RERG: variants seen among roughly 807,000 people sequenced by gnomAD.
RERG encodes the protein RAS like estrogen regulated growth inhibitor.
RERG carries 25 observed loss-of-function variants against 23.2 expected under a neutral mutation model. That is an observed-to-expected ratio of 1.08 (90% CI 0.79 to 1.50). The LOEUF (loss-of-function observed/expected upper bound fraction) is 1.50. RERG is among the 40% of genes most tolerant of loss of function. RERG has a pLI of 0.00. For missense variants in RERG, 253 were observed against 250.1 expected, an observed-to-expected ratio of 1.01 and a Z score of -0.08; for synonymous variants, 81 against 89.1, an observed-to-expected ratio of 0.91 and a Z score of 0.51.
At chr12:15,142,706 G>A (rs1036140739) in intron 2 of RERG, among the ~76,000 whole-genome samples, 1 of 152,126 alleles carries the variant, frequency 6.6e-6, no homozygotes, top group East Asian at 1.9e-4. Flanking sequence ...AAGAGAGAGG[G>A]GGGGTAGGAG....
intron 2 of RERG, among the ~76,000 whole-genome samples, chr12:15,179,599 C>T (rs904399828): frequency 3.3e-5 from 5 of 152,108 alleles, no homozygotes; most frequent in Admixed American, 6.5e-5. Context: ...TTATATCTTT[C>T]CCCCAAAAAT....
chr12:15,212,361 G>C (rs1182494741), intron 2 of RERG, among the ~76,000 whole-genome samples: 1 of 151,760 alleles, frequency 6.6e-6, no homozygotes, highest in Non-Finnish European at 1.5e-5. Flanking sequence ...GCCCGGCCAC[G>C]AATAAACTTT....
At chr12:15,161,283 A>G (rs763165526) in intron 2 of RERG, among the ~76,000 whole-genome samples, 13 of 152,246 alleles carry the variant, frequency 8.5e-5, no homozygotes, top group Non-Finnish European at 1.8e-4. Flanking sequence ...GTAATAAAGT[A>G]GGCCACTGTG....
intron 2 of RERG, chr12:15,138,086 T>C: frequency 3.7e-6 from 1 of 273,224 alleles, no homozygotes; most frequent in South Asian, 3.8e-5. Context: ...AGATATTTCA[T>C]TTCACTCTTT....
At chr12:15,111,522 C>T in intron 3 of RERG, 105 bp from the exon 4 acceptor site, 1 of 844,456 alleles carries the variant, frequency 1.2e-6, no homozygotes, top group South Asian at 1.6e-5. Context: ...CCTGATTTTA[C>T]AGCATAAGGA....
At chr12:15,127,118 A>G (rs1222116358) in intron 2 of RERG, among the ~76,000 whole-genome samples, 1 of 152,070 alleles carries the variant, frequency 6.6e-6, no homozygotes, top group Non-Finnish European at 1.5e-5. Flanking sequence ...GTGACATGAA[A>G]TTGTCTTTTG....
intron 2 of RERG, among the ~76,000 whole-genome samples, chr12:15,139,532 A>G (rs34499877): frequency 0.27 from 41,437 of 151,942 alleles, 6,003 homozygotes; most frequent in African/African-American, 0.37. Context: ...GATCTGGTAC[A>G]TATTTTGTTA....
chr12:15,145,605 G>A (rs1864319145), intron 2 of RERG, among the ~76,000 whole-genome samples: 2 of 152,316 alleles, frequency 1.3e-5, no homozygotes, highest in Middle Eastern at 3.4e-3. Context: ...TCTGACAAGG[G>A]GATTTCAACA....
At chr12:15,166,503 G>GGATGGTGGTGATGGTGGT in intron 2 of RERG, among the ~76,000 whole-genome samples, 1 of 134,202 alleles carries the variant, frequency 7.5e-6, no homozygotes, top group African/African-American at 2.5e-5. Context: ...ATGATGATGG[G>GGATGGTGGTGATGGTGGT]GATGGTGGTG....
chr12:15,174,475 AGTGTGTGTGT>A (rs35380924), intron 2 of RERG, among the ~76,000 whole-genome samples: 2 of 147,898 alleles, frequency 1.4e-5, no homozygotes, highest in South Asian at 2.1e-4. Context: ...GAGTTTGTTG[AGTGTGTGTGT>A]GTGTGTGTGT....
At chr12:15,116,611 C>T (rs930897397) in intron 3 of RERG, among the ~76,000 whole-genome samples, 17 of 151,898 alleles carry the variant, frequency 1.1e-4, no homozygotes, top group Non-Finnish European at 2.2e-4. Flanking sequence ...GGGTTCATAC[C>T]ATTTTAAGCA....
At chr12:15,186,268 T>C (rs1864988791) in intron 2 of RERG, among the ~76,000 whole-genome samples, 1 of 151,862 alleles carries the variant, frequency 6.6e-6, no homozygotes, top group Non-Finnish European at 1.5e-5. Flanking sequence ...AGTAGCATGA[T>C]GACATCAGGA....
At position 15,127,648 on chromosome 12, in the gene RERG, A is replaced by G. The variant is rs150573084; in HGVS notation, c.62-6529T>C. Among the ~76,000 whole-genome samples, 1,074 of 152,324 alleles carry G rather than the reference A, an allele frequency of 7.1e-3. 5 individuals carry two copies. Among genetic ancestry groups the G allele is most frequent in the Non-Finnish European group, 0.011 (747 of 68,032 alleles). ...TGAGCATTATTCACAAAAATAGAGA[A>G]GACTCTACCCTAGATTTGTGGAGAT... On this transcript the variant is annotated intron_variant, in intron 2 of 4. Coordinates refer to ENST00000256953, the MANE Select transcript of RERG (RefSeq NM_032918.3).
intron 2 of RERG, among the ~76,000 whole-genome samples, chr12:15,136,619 A>G (rs750353934): frequency 6.6e-6 from 1 of 151,984 alleles, no homozygotes; most frequent in Non-Finnish European, 1.5e-5. Flanking sequence ...TTTAGTTCAA[A>G]TTATTTTAAA....
At chr12:15,138,747 C>T (rs987521116) in intron 2 of RERG, among the ~76,000 whole-genome samples, 1 of 151,864 alleles carries the variant, frequency 6.6e-6, no homozygotes, top group African/African-American at 2.4e-5. Context: ...GAATAACTTT[C>T]TAACTCTGTG....
chr12:15,146,862 G>GAGC (rs1229156451), intron 2 of RERG, among the ~76,000 whole-genome samples: 1 of 152,184 alleles, frequency 6.6e-6, no homozygotes, highest in African/African-American at 2.4e-5. Context: ...TTGGATTGGA[G>GAGC]AGCAGTACAA....
At chr12:15,175,367 G>GTGTGTGTGTGTA (rs1864835800) in intron 2 of RERG, among the ~76,000 whole-genome samples, 2 of 150,218 alleles carry the variant, frequency 1.3e-5, no homozygotes, top group Non-Finnish European at 3.0e-5. Context: ...GTGTGTGTGT[G>GTGTGTGTGTGTA]TGTGTGTGTG....
At chr12:15,168,317 G>C (rs1035618949) in intron 2 of RERG, among the ~76,000 whole-genome samples, 1 of 152,166 alleles carries the variant, frequency 6.6e-6, no homozygotes, top group South Asian at 2.1e-4. Context: ...ACAACAGCGA[G>C]AGAGTTCTGC....
At chr12:15,125,014 G>T (rs948225531) in intron 2 of RERG, among the ~76,000 whole-genome samples, 2 of 151,812 alleles carry the variant, frequency 1.3e-5, no homozygotes, top group African/African-American at 4.8e-5. Context: ...ATATAATAAT[G>T]AAAACTTACT....
Sources: allele counts gnomAD v4.1 joint callset (sites outside exome capture counted in the v4.1 genomes callset), GRCh38; gene constraint gnomAD v4.1.1; transcripts MANE v1.5; gene names NCBI Gene and HGNC (gene_info 2026-07-23, HGNC 2026-07-21).